Variants in SYNE1 observed in about 807,000 individuals in gnomAD.
The protein encoded by SYNE1 is spectrin repeat containing nuclear envelope protein 1, also known as nesprin-1.
A neutral mutation model predicts 1,111.0 loss-of-function variants in SYNE1; 616 were observed. The ratio of observed to expected loss-of-function variants is 0.55; its 90% CI spans 0.52 to 0.59. The LOEUF (loss-of-function observed/expected upper bound fraction) is 0.59, where lower values mean the gene tolerates loss of function less well. Among genes scored for constraint, SYNE1 ranks in the 20% least tolerant of loss-of-function variants. SYNE1 has a pLI of 0.00. For synonymous variants in SYNE1, 3,855 were observed against 3,825.8 expected (o/e 1.01, Z -0.28); for missense variants, 10,006 against 10,417.0 (o/e 0.96, Z 1.72).
At chr6:152,288,129 T>TG (rs1249909856) in intron 95 of SYNE1, among the ~76,000 whole-genome samples, 1 of 101,574 alleles carries the variant, frequency 9.8e-6, no homozygotes, top group Non-Finnish European at 1.9e-5. Flanking sequence ...TGTCTTTGTT[T>TG]TTTTTTTTTT....
At chr6:152,548,187 T>C (rs913077118) in intron 3 of SYNE1, among the ~76,000 whole-genome samples, 1 of 152,164 alleles carries the variant, frequency 6.6e-6, no homozygotes, top group Non-Finnish European at 1.5e-5. Context: ...GGGCACAGAA[T>C]GCACTACAGA....
rs1288044498 is a variant in SYNE1, at chr6:152,539,958, A to G, written c.129+2T>C. The G allele has an allele frequency of 6.2e-7, 1 of 1,613,794 alleles. No individual in the cohort carries two copies. The highest frequency in any genetic ancestry group is 1.7e-5 in the Admixed American group (1 of 59,996). On this transcript the variant is annotated splice_donor_variant, in intron 4 of 145. Coordinates refer to ENST00000367255, the MANE Select transcript of SYNE1 (RefSeq NM_182961.4). LOFTEE classifies it high-confidence loss of function. ...CCTGTAATGCTGGGTAGTTTCCTTT[A>G]CCTTGGCCAGATGAGAGTTGATCCA...
Position 152,487,390 on chromosome 6 carries a change from T to C in SYNE1, c.1047+1006A>G, listed in dbSNP as rs1039631343. 2.0e-5 allele frequency among the ~76,000 whole-genome samples: 3 copies of C among 152,262 alleles called. No individual in the cohort carries two copies. The East Asian group carries it at 5.8e-4, about 29-fold the overall frequency. ...CAAAGGGCATGATCTTGTTCCTTTATATGGCAGCCTAGTATTCCATGGTGT... is the reference window on the plus strand; with the variant it reads ...CAAAGGGCATGATCTTGTTCCTTTACATGGCAGCCTAGTATTCCATGGTGT... On this transcript the variant is annotated intron_variant, in intron 12 of 145. Transcript: ENST00000367255.
intron 62 of SYNE1, among the ~76,000 whole-genome samples, chr6:152,365,228 G>T (rs1039114961): frequency 1.3e-5 from 2 of 152,136 alleles, no homozygotes; most frequent in Non-Finnish European, 2.9e-5. Context: ...TGGCCTTGGT[G>T]TTGAAGGTCT....
intron 40 of SYNE1, 149 bp from the exon 41 acceptor site, chr6:152,417,164 C>T (rs2098167533): frequency 1.6e-6 from 2 of 1,235,780 alleles, no homozygotes; most frequent in African/African-American, 1.5e-5. Flanking sequence ...TTAGAAAATT[C>T]ACAAAATTTT....
intron 12 of SYNE1, 23 bp from the exon 13 acceptor site, chr6:152,484,995 A>G (rs1226549917): frequency 8.1e-6 from 13 of 1,607,208 alleles, no homozygotes; most frequent in African/African-American, 1.3e-5. Context: ...AAACAGCAAC[A>G]GTATGGCAAT....
Position 152,449,553 on chromosome 6 carries a change from C to T in SYNE1, c.3484G>A (p.Glu1162Lys). 6.2e-7 allele frequency: 1 copy of T among 1,614,104 alleles called. No individual in the cohort carries two copies. The change falls in exon 28 of 146, where the codon GAG (glutamate) becomes AAG (lysine). Residue 1162 changes from glutamate (E) to lysine (K), a missense_variant. Coordinates refer to ENST00000367255, the MANE Select transcript of SYNE1 (RefSeq NM_182961.4). ...CTTACTTCAACGGCACGTTTAACCT[C>T]TCCGTGGTTGGCAGTATCGATGGCC... ...GEAIDTANHG[E>K]VKRAVEEIRN...
chr6:152,288,971 G>A lies in SYNE1; in HGVS notation c.18012+4617C>T, dbSNP rs918122409. Among the ~76,000 whole-genome samples the A allele has an allele frequency of 2.0e-5, 3 of 152,172 alleles. No individual in the cohort carries two copies. The South Asian group carries it at 6.2e-4, about 31-fold the overall frequency. ...AAGATCTAGCAGCCAGGCTCAGGGGGGGCGTGAGATTTTCTTTTGGGGTCA... is the reference window on the plus strand; with the variant it reads ...AAGATCTAGCAGCCAGGCTCAGGGGAGGCGTGAGATTTTCTTTTGGGGTCA... On this transcript the variant is annotated intron_variant, in intron 95 of 145. Coordinates refer to ENST00000367255, the MANE Select transcript of SYNE1 (RefSeq NM_182961.4).
Position 152,316,861 on chromosome 6 carries a change from A to G in SYNE1, c.16698T>C (p.Tyr5566=), listed in dbSNP as rs1198359935. 6.2e-7 allele frequency: 1 copy of G among 1,614,136 alleles called. No individual in the cohort carries two copies. Among genetic ancestry groups the G allele is most frequent in the Admixed American group, 1.7e-5 (1 of 60,024 alleles). ...TTCCTAAGGTTACCTGATGCAAAAT[A>G]TATTGTTCCCGAAGCTGGCTTGCAG... ...WNSASQLREQ[Y]ILHQTLLEES... The change falls in exon 87 of 146, where the codon TAT becomes TAC. Residue 5566 remains tyrosine, a synonymous_variant. Coordinates refer to ENST00000367255, the MANE Select transcript of SYNE1 (RefSeq NM_182961.4).
At chr6:152,165,935 A>G (rs2063560919) in intron 130 of SYNE1, among the ~76,000 whole-genome samples, 1 of 152,228 alleles carries the variant, frequency 6.6e-6, no homozygotes, top group Non-Finnish European at 1.5e-5. Context: ...CCAGACTGAA[A>G]GAAGAGTTTA....
At chr6:152,416,225 T>C (rs938178873) in intron 41 of SYNE1, among the ~76,000 whole-genome samples, 162 bp downstream of exon 41, 9 of 152,190 alleles carry the variant, frequency 5.9e-5, no homozygotes, top group African/African-American at 2.2e-4. Flanking sequence ...GGCAGCTGCT[T>C]GCATGACTCA....
In SYNE1 at chr6:152,331,449, C is replaced by T. The variant is rs775522405; in HGVS notation, c.13236G>A (p.Met4412Ile). ...KSLIKDADRV[M>I]ADLGLNERQV... ...GTCGCTCATTGAGACCAAGATCTGC[C>T]ATGACCCTGTCTGCGTCCTTTATAA... The change falls in exon 78 of 146, where the codon ATG (methionine) becomes ATA (isoleucine). Residue 4412 changes from methionine to isoleucine, a missense_variant. Physicochemically the swap from Met to Ile is conservative, Grantham distance 10 (BLOSUM62 1). Coordinates refer to ENST00000367255, the MANE Select transcript of SYNE1 (RefSeq NM_182961.4). 1.9e-6 allele frequency: 3 copies of T among 1,614,182 alleles called. No individual in the cohort carries two copies. The highest frequency in any genetic ancestry group is 2.2e-5 in the South Asian group (2 of 91,068).
chr6:152,540,078 G>A, intron 3 of SYNE1, 57 bp from the exon 4 acceptor site: 1 of 1,532,866 alleles, frequency 6.5e-7, no homozygotes, highest in Non-Finnish European at 9.0e-7. Flanking sequence ...GCTGTATAAT[G>A]AGAAAAAGTC....
At chr6:152,498,685 C>T (rs2099012460) in intron 11 of SYNE1, 57 bp downstream of exon 11, 1 of 1,224,144 alleles carries the variant, frequency 8.2e-7, no homozygotes, top group African/African-American at 1.5e-5. Context: ...GACTAAAATG[C>T]TACAGAATGC....
At chr6:152,266,388 A>G (rs931780441) in intron 100 of SYNE1, among the ~76,000 whole-genome samples, 6 of 152,198 alleles carry the variant, frequency 3.9e-5, no homozygotes, top group Middle Eastern at 3.2e-3. Flanking sequence ...AAATATTCAG[A>G]AAACTATGCA....
intron 43 of SYNE1, 140 bp downstream of exon 43, chr6:152,409,419 A>AG: frequency 8.0e-7 from 1 of 1,249,584 alleles, no homozygotes; most frequent in Non-Finnish European, 1.1e-6. Flanking sequence ...CAGCATTCCT[A>AG]GGGGAAAAAA....
At chr6:152,403,235 T>C (rs374974381) in intron 46 of SYNE1, among the ~76,000 whole-genome samples, 3 of 152,302 alleles carry the variant, frequency 2.0e-5, no homozygotes, top group East Asian at 3.9e-4. Context: ...TGCTGGATGC[T>C]TCCAGGGCTT....
intron 95 of SYNE1, among the ~76,000 whole-genome samples, chr6:152,289,035 C>T (rs2094459082): frequency 6.6e-6 from 1 of 152,102 alleles, no homozygotes; most frequent in Admixed American, 6.5e-5. Flanking sequence ...AGTGGTTGTA[C>T]AGCATTGTGA....
chr6:152,208,682 T>G (rs2076977593), intron 124 of SYNE1, among the ~76,000 whole-genome samples: 1 of 152,232 alleles, frequency 6.6e-6, no homozygotes, highest in Non-Finnish European at 1.5e-5. Flanking sequence ...AATCAAATTA[T>G]GTAATTTAAA....
Sources: allele counts gnomAD v4.1 joint callset (sites outside exome capture counted in the v4.1 genomes callset), GRCh38; gene constraint gnomAD v4.1.1; transcripts MANE v1.5; gene names NCBI Gene and HGNC (gene_info 2026-07-23, HGNC 2026-07-21).